Variants in MBOAT1 observed in about 807,000 individuals in gnomAD.
The protein encoded by MBOAT1 is membrane bound glycerophospholipid O-acyltransferase 1.
A neutral mutation model predicts 64.4 loss-of-function variants in MBOAT1; 67 were observed. That is an observed-to-expected ratio of 1.04 (90% CI 0.85 to 1.27). The LOEUF is 1.27. MBOAT1 is among the 50% of genes most tolerant of loss of function. MBOAT1 has a pLI of 0.00. For missense variants in MBOAT1, 563 were observed against 604.6 expected (o/e 0.93, Z 0.72); for synonymous variants, 229 against 218.9 (o/e 1.05, Z -0.41).
At chr6:20,174,272 C>A (rs775143365) in intron 1 of MBOAT1, among the ~76,000 whole-genome samples, 1 of 152,130 alleles carries the variant, frequency 6.6e-6, no homozygotes, top group Non-Finnish European at 1.5e-5. Flanking sequence ...CTGAGAAACA[C>A]GACATTAGGC....
intron 1 of MBOAT1, among the ~76,000 whole-genome samples, chr6:20,169,582 A>G (rs1450083013): frequency 6.6e-6 from 1 of 151,658 alleles, no homozygotes; most frequent in East Asian, 1.9e-4. Flanking sequence ...GTGGACCAAG[A>G]GTCAAAGTAA....
chr6:20,211,570 G>A (rs570347568), intron 1 of MBOAT1, among the ~76,000 whole-genome samples: 211 of 152,244 alleles, frequency 1.4e-3, no homozygotes, highest in African/African-American at 4.9e-3. Context: ...AGAAGCTCCA[G>A]CCCCAGGCAT....
rs1300536939 is a variant in MBOAT1 at position 20,168,598 on chromosome 6, AGAGAGAAGAGAAGAG to A, written c.100-15844_100-15830del. Among the ~76,000 whole-genome samples the A allele has an allele frequency of 1.3e-3, 61 of 48,236 alleles. 2 individuals are homozygous for A. Among genetic ancestry groups the A allele is most frequent in the Non-Finnish European group, 2.0e-4 (5 of 24,592 alleles). 31.6% of individuals were successfully genotyped at this position (48,236 alleles called of 152,430 possible). ...GAGAGAAAGAGAGAGAGGGAGAGAAAGAGAGAAGAGAAGAGAAGAGAAGAGAAGAGAAGAGAAGAG... is the reference window on the plus strand; with the variant it reads ...GAGAGAAAGAGAGAGAGGGAGAGAAAAAGAGAAGAGAAGAGAAGAGAAGAG... On this transcript the variant is annotated intron_variant, in intron 1 of 12. Coordinates refer to ENST00000324607, the MANE Select transcript of MBOAT1 (RefSeq NM_001080480.3).
At chr6:20,133,494 G>A (rs1391878661) in intron 4 of MBOAT1, among the ~76,000 whole-genome samples, 1 of 152,152 alleles carries the variant, frequency 6.6e-6, no homozygotes, top group Non-Finnish European at 1.5e-5. Context: ...TCACACTCAA[G>A]GTAGTTTCCA....
chr6:20,175,406 G>A (rs56349548), intron 1 of MBOAT1, among the ~76,000 whole-genome samples: 3,725 of 151,634 alleles, frequency 0.025, 155 homozygotes, highest in African/African-American at 0.085. Context: ...CTAGAGGCAC[G>A]AGCCACTGAA....
chr6:20,115,420 A>C, intron 9 of MBOAT1, 68 bp from the exon 10 acceptor site: 1 of 1,310,246 alleles, frequency 7.6e-7, no homozygotes, highest in Non-Finnish European at 1.1e-6. Context: ...AGTTCTCCCC[A>C]GTTTCCCTGG....
chr6:20,145,890 A>G (rs1428618185), intron 3 of MBOAT1, among the ~76,000 whole-genome samples: 1 of 152,132 alleles, frequency 6.6e-6, no homozygotes, highest in Non-Finnish European at 1.5e-5. Flanking sequence ...CATGCATCCT[A>G]CCACATCTCC....
At chr6:20,109,545 C>G (rs1760058784) in intron 12 of MBOAT1, 53 bp downstream of exon 12, 1 of 1,580,622 alleles carries the variant, frequency 6.3e-7, no homozygotes, top group Non-Finnish European at 8.6e-7. Flanking sequence ...AAGTCAAACA[C>G]AGTGAAAATA....
chr6:20,130,819 T>C (rs906082211), intron 5 of MBOAT1, among the ~76,000 whole-genome samples: 7 of 152,302 alleles, frequency 4.6e-5, no homozygotes, highest in Admixed American at 4.6e-4. Context: ...TAAAAGGATG[T>C]CATTTCTTTT....
chr6:20,153,022 G>T (rs1391511738), intron 1 of MBOAT1, among the ~76,000 whole-genome samples: 4 of 152,064 alleles, frequency 2.6e-5, no homozygotes, highest in African/African-American at 7.2e-5. Context: ...TTTTAGTAGA[G>T]ACAGGGTTTC....
intron 1 of MBOAT1, among the ~76,000 whole-genome samples, chr6:20,169,204 G>A (rs1208104377): frequency 6.6e-6 from 1 of 152,164 alleles, no homozygotes; most frequent in Non-Finnish European, 1.5e-5. Flanking sequence ...AATGGAAAAT[G>A]CAGAACCAGG....
chr6:20,205,663 C>T (rs752686611), intron 1 of MBOAT1, among the ~76,000 whole-genome samples: 2 of 152,168 alleles, frequency 1.3e-5, no homozygotes, highest in Non-Finnish European at 2.9e-5. Context: ...CTCCACCAGG[C>T]CTGTCCTCTG....
intron 8 of MBOAT1, among the ~76,000 whole-genome samples, 198 bp downstream of exon 8, chr6:20,124,210 C>T (rs78120038): frequency 0.099 from 15,126 of 152,078 alleles, 870 homozygotes; most frequent in Admixed American, 0.15. Context: ...TGTTTTTCTC[C>T]TTATCATGGA....
At chr6:20,155,537 T>C (rs747457774) in intron 1 of MBOAT1, among the ~76,000 whole-genome samples, 2 of 152,236 alleles carry the variant, frequency 1.3e-5, no homozygotes, top group African/African-American at 2.4e-5. Context: ...TGGTGTCTAA[T>C]ATCTCTTCCA....
chr6:20,125,100 C>T (rs1422315748), intron 7 of MBOAT1, among the ~76,000 whole-genome samples: 2 of 152,106 alleles, frequency 1.3e-5, no homozygotes, highest in Non-Finnish European at 2.9e-5. Context: ...TAATGGGGAG[C>T]TCTAGAAAGC....
At chr6:20,131,106 C>A (rs758476498) in intron 5 of MBOAT1, 38 bp downstream of exon 5, 1 of 1,571,152 alleles carries the variant, frequency 6.4e-7, no homozygotes, top group Non-Finnish European at 8.8e-7. Context: ...GCATGTCAGG[C>A]TCACTCTGAG....
At position 20,165,675 on chromosome 6, in the gene MBOAT1, G is replaced by A. The variant is rs574524820; in HGVS notation, c.100-12906C>T. 4.6e-5 allele frequency among the ~76,000 whole-genome samples: 7 copies of A among 152,004 alleles called. No homozygotes were observed. The South Asian group carries it at 1.2e-3, about 27-fold the overall frequency. On this transcript the variant is annotated intron_variant, in intron 1 of 12. Coordinates refer to ENST00000324607, the MANE Select transcript of MBOAT1 (RefSeq NM_001080480.3). ...GGAGAATCGCTTGCACCCAGGAGGCGGAGGCTGCAGTGAGCCGCGATCGTG... is the reference window on the plus strand; with the variant it reads ...GGAGAATCGCTTGCACCCAGGAGGCAGAGGCTGCAGTGAGCCGCGATCGTG...
intron 4 of MBOAT1, among the ~76,000 whole-genome samples, chr6:20,135,422 T>G (rs1043127987): frequency 2.0e-5 from 3 of 152,166 alleles, no homozygotes; most frequent in Non-Finnish European, 4.4e-5. Flanking sequence ...ATTCATCAGA[T>G]GTGGTACCCA....
At chr6:20,125,797 C>T (rs1760632090) in intron 7 of MBOAT1, 1 of 375,346 alleles carries the variant, frequency 2.7e-6, no homozygotes, top group African/African-American at 2.1e-5. Context: ...AAATACTTAA[C>T]TCATAGTCTT....
Sources: allele counts gnomAD v4.1 joint callset (sites outside exome capture counted in the v4.1 genomes callset), GRCh38; gene constraint gnomAD v4.1.1; transcripts MANE v1.5; gene names NCBI Gene and HGNC (gene_info 2026-07-23, HGNC 2026-07-21).